DLGAP2: variants seen among roughly 807,000 people sequenced by gnomAD.
The protein encoded by DLGAP2 is DLG associated protein 2, also known as disks large-associated protein 2.
In DLGAP2, 26 loss-of-function variants were observed where a neutral mutation model predicts 100.3. The observed-to-expected ratio is 0.26, with a 90% CI of 0.19 to 0.36. DLGAP2 has a LOEUF of 0.36. DLGAP2 is among the 10% of genes least tolerant of loss of function. The probability of loss-of-function intolerance (pLI) is 1.00; values close to 1 mark genes in which losing one functional copy is unlikely to be tolerated. For missense variants in DLGAP2, 1,858 were observed against 1,453.2 expected (o/e 1.28, Z -4.53); for synonymous variants, 886 against 630.1 (o/e 1.41, Z -6.08).
chr8:889,204 G>C (rs963241630), intron 1 of DLGAP2, among the ~76,000 whole-genome samples: 13 of 152,212 alleles, frequency 8.5e-5, no homozygotes, highest in Non-Finnish European at 1.8e-4. Context: ...AATGTCATCA[G>C]TTAAGGCAGG....
chr8:1,499,983 TG>T (rs545809513), intron 3 of DLGAP2, among the ~76,000 whole-genome samples: 9 of 18,028 alleles, frequency 5.0e-4, no homozygotes, highest in East Asian at 2.7e-3. Flanking sequence ...AACACTTGGG[TG>T]GGGGGGGTGG....
rs7840234 is a variant in DLGAP2 at position 1,408,570 on chromosome 8, C to T, written c.107-92796C>T. Reference sequence around the variant, plus strand: ...CAGCATTGTCAGGCACAGACACACACGGTGTTAACTGTTCGGCAACTGGAG... The same window carrying T: ...CAGCATTGTCAGGCACAGACACACATGGTGTTAACTGTTCGGCAACTGGAG... On this transcript the variant is annotated intron_variant, in intron 3 of 14. Coordinates refer to ENST00000637795, the MANE Select transcript of DLGAP2 (RefSeq NM_001346810.2). Among the ~76,000 whole-genome samples, 1,354 of 152,308 alleles carry T rather than the reference C, an allele frequency of 8.9e-3. 16 individuals are homozygous for T. The highest frequency in any genetic ancestry group is 0.031 in the African/African-American group (1,286 of 41,568).
chr8:1,302,388 G>C (rs1800373620), intron 3 of DLGAP2: 1 of 99,748 alleles, frequency 1.0e-5, no homozygotes, highest in Non-Finnish European at 2.1e-5. Flanking sequence ...TCCATACCTG[G>C]GACCGGACTC....
At chr8:1,138,890 G>C (rs929487807) in intron 2 of DLGAP2, among the ~76,000 whole-genome samples, 1 of 151,798 alleles carries the variant, frequency 6.6e-6, no homozygotes, top group Non-Finnish European at 1.5e-5. Context: ...TGGCCTGTGC[G>C]GCTGGTGGGA....
At chr8:988,361 C>A (rs1800547153) in intron 2 of DLGAP2, among the ~76,000 whole-genome samples, 1 of 152,206 alleles carries the variant, frequency 6.6e-6, no homozygotes. Context: ...GGCAAAGTGT[C>A]ATTCTTTATT....
At chr8:1,316,886 TA>T (rs1800766837) in intron 3 of DLGAP2, among the ~76,000 whole-genome samples, 2 of 129,190 alleles carry the variant, frequency 1.5e-5, no homozygotes, top group Admixed American at 7.7e-5. Flanking sequence ...CGGCAGCTTT[TA>T]AAAATAGAGC....
At chr8:1,292,381 C>G (rs534967156) in intron 3 of DLGAP2, among the ~76,000 whole-genome samples, 61 of 152,304 alleles carry the variant, frequency 4.0e-4, no homozygotes, top group African/African-American at 1.5e-3. Context: ...AACAGCTCAT[C>G]CTGCCAGTCA....
chr8:1,182,320 G>T (rs1400476092), intron 2 of DLGAP2, among the ~76,000 whole-genome samples: 1 of 152,260 alleles, frequency 6.6e-6, no homozygotes, highest in Non-Finnish European at 1.5e-5. Flanking sequence ...GACTGTGGCA[G>T]TGCTCACACA....
chr8:1,701,148 C>T, intron 14 of DLGAP2, 40 bp from the exon 15 acceptor site: 1 of 1,537,686 alleles, frequency 6.5e-7, no homozygotes, highest in South Asian at 1.2e-5. Flanking sequence ...TGGGACCCTC[C>T]TCCGAGCACC....
intron 4 of DLGAP2, among the ~76,000 whole-genome samples, chr8:1,507,681 C>T (rs1057382099): frequency 2.0e-5 from 3 of 152,084 alleles, no homozygotes; most frequent in African/African-American, 7.3e-5. Context: ...CAGTGATGTG[C>T]TGAGCTTCTG....
At chr8:1,249,827 G>T (rs748380245) in intron 2 of DLGAP2, among the ~76,000 whole-genome samples, 1 of 152,188 alleles carries the variant, frequency 6.6e-6, no homozygotes, top group African/African-American at 2.4e-5. Flanking sequence ...ACATATTTGG[G>T]TTGAATAATA....
chr8:1,174,917 C>T (rs951557053), intron 2 of DLGAP2, among the ~76,000 whole-genome samples: 8 of 152,028 alleles, frequency 5.3e-5, no homozygotes, highest in Non-Finnish European at 1.2e-4. Flanking sequence ...TCTGAGAGAG[C>T]TTATGTTGTT....
chr8:1,193,740 TGGG>T (rs1797689819), intron 2 of DLGAP2, among the ~76,000 whole-genome samples: 1 of 152,002 alleles, frequency 6.6e-6, no homozygotes, highest in African/African-American at 2.4e-5. Context: ...GCATCCGGGT[TGGG>T]GGTCCTGTGG....
intron 3 of DLGAP2, among the ~76,000 whole-genome samples, chr8:1,414,541 G>T (rs566081751): frequency 6.6e-6 from 1 of 152,162 alleles, no homozygotes; most frequent in Non-Finnish European, 1.5e-5. Flanking sequence ...GGGACTGACC[G>T]GGCTGTGGGT....
chr8:1,577,540 C>T (rs1803035140), intron 6 of DLGAP2, among the ~76,000 whole-genome samples: 1 of 144,362 alleles, frequency 6.9e-6, no homozygotes, highest in Non-Finnish European at 1.5e-5. Flanking sequence ...TGCCCTCCAG[C>T]CTGGGCCACA....
chr8:1,536,045 C>G (rs1236340008), intron 4 of DLGAP2, among the ~76,000 whole-genome samples: 3 of 152,108 alleles, frequency 2.0e-5, no homozygotes, highest in African/African-American at 7.2e-5. Flanking sequence ...TAGCATTAGC[C>G]CCAGTTTCTC....
intron 1 of DLGAP2, among the ~76,000 whole-genome samples, chr8:768,109 G>A (rs1821261443): frequency 6.6e-6 from 1 of 152,136 alleles, no homozygotes; most frequent in South Asian, 2.1e-4. Context: ...TCAGAGGACA[G>A]GGAGATACAG....
At chr8:859,698 A>G (rs1797353911) in intron 1 of DLGAP2, among the ~76,000 whole-genome samples, 1 of 151,894 alleles carries the variant, frequency 6.6e-6, no homozygotes, top group Non-Finnish European at 1.5e-5. Flanking sequence ...GCAGAACGAG[A>G]AGTTGTTAGA....
intron 8 of DLGAP2, among the ~76,000 whole-genome samples, chr8:1,651,363 C>A (rs1798159187): frequency 6.6e-6 from 1 of 152,176 alleles, no homozygotes; most frequent in Non-Finnish European, 1.5e-5. Context: ...CTTGGAAGTT[C>A]CAAATCCCGA....
Sources: allele counts gnomAD v4.1 joint callset (sites outside exome capture counted in the v4.1 genomes callset), GRCh38; gene constraint gnomAD v4.1.1; transcripts MANE v1.5; gene names NCBI Gene and HGNC (gene_info 2026-07-23, HGNC 2026-07-21).